The following CHST11 variants were observed in gnomAD, a reference collection of about 807,000 sequenced individuals.
CHST11 encodes the protein carbohydrate sulfotransferase 11, also known as C4S-1.
In CHST11, 9 loss-of-function variants were observed where a neutral mutation model predicts 30.4. That is an observed-to-expected ratio of 0.30 (90% CI 0.18 to 0.52). CHST11 has a LOEUF of 0.52. Ranked by LOEUF, CHST11 falls within the 20% of genes least tolerant of loss-of-function variation. CHST11 has a pLI of 0.97. For missense variants in CHST11, 348 were observed against 460.6 expected (o/e 0.76, Z 2.24); for synonymous variants, 152 against 187.8 (o/e 0.81, Z 1.56).
At chr12:104,672,148 C>T (rs997465154) in intron 2 of CHST11, among the ~76,000 whole-genome samples, 3 of 152,112 alleles carry the variant, frequency 2.0e-5, no homozygotes, top group African/African-American at 7.2e-5. Context: ...ATGAAAATGC[C>T]CAGGAATGTC....
chr12:104,745,093 C>T (rs1443164469), intron 2 of CHST11, among the ~76,000 whole-genome samples: 4 of 152,116 alleles, frequency 2.6e-5, no homozygotes, highest in African/African-American at 7.2e-5. Flanking sequence ...AGGCTGTTCT[C>T]GAACTCCTGA....
intron 1 of CHST11, among the ~76,000 whole-genome samples, chr12:104,507,316 C>T (rs1364690403): frequency 6.6e-6 from 1 of 152,218 alleles, no homozygotes; most frequent in Non-Finnish European, 1.5e-5. Context: ...AGTGGCCCCA[C>T]CTGGGAGCCA....
At chr12:104,504,031 T>C (rs2037878345) in intron 1 of CHST11, among the ~76,000 whole-genome samples, 1 of 152,200 alleles carries the variant, frequency 6.6e-6, no homozygotes, top group African/African-American at 2.4e-5. Context: ...ACCCAGTCAA[T>C]GTTAGCTTTT....
chr12:104,493,110 T>C (rs900690365), intron 1 of CHST11, among the ~76,000 whole-genome samples: 2 of 152,178 alleles, frequency 1.3e-5, no homozygotes, highest in African/African-American at 4.8e-5. Context: ...TAGCTGTGTT[T>C]CCTACTGTCA....
At chr12:104,540,530 A>G (rs977626927) in intron 1 of CHST11, among the ~76,000 whole-genome samples, 4 of 151,964 alleles carry the variant, frequency 2.6e-5, no homozygotes, top group Admixed American at 1.3e-4. Context: ...AAGAGACAGG[A>G]ACCTCGAGCT....
At chr12:104,736,858 G>A (rs1285424728) in intron 2 of CHST11, among the ~76,000 whole-genome samples, 1 of 152,198 alleles carries the variant, frequency 6.6e-6, no homozygotes, top group Non-Finnish European at 1.5e-5. Context: ...CTGAAAATCT[G>A]ATTTTTGAAA....
At chr12:104,541,122 TCTCTCTCTCACACACACACA>T (rs1030075611) in intron 1 of CHST11, among the ~76,000 whole-genome samples, 2 of 63,088 alleles carry the variant, frequency 3.2e-5, no homozygotes, top group African/African-American at 5.8e-5. Flanking sequence ...TCCCTCTCTC[TCTCTCTCTCACACACACACA>T]CACACACACA....
intron 1 of CHST11, among the ~76,000 whole-genome samples, chr12:104,572,639 A>G (rs1344856028): frequency 6.6e-6 from 1 of 151,594 alleles, no homozygotes; most frequent in Non-Finnish European, 1.5e-5. Context: ...CAGTCTATCA[A>G]TTTTGTTGAT....
At chr12:104,568,347 G>C (rs190911044) in intron 1 of CHST11, among the ~76,000 whole-genome samples, 56 of 152,302 alleles carry the variant, frequency 3.7e-4, no homozygotes, top group African/African-American at 1.2e-3. Context: ...CACTGTCCTT[G>C]CAACAGCTCC....
chr12:104,617,101 A>G (rs1267268033), intron 2 of CHST11, among the ~76,000 whole-genome samples: 3 of 152,126 alleles, frequency 2.0e-5, no homozygotes, highest in Non-Finnish European at 4.4e-5. Flanking sequence ...AAATACTCAT[A>G]ATTTCATATG....
At chr12:104,629,558 A>G (rs2039252397) in intron 2 of CHST11, among the ~76,000 whole-genome samples, 1 of 152,122 alleles carries the variant, frequency 6.6e-6, no homozygotes, top group Non-Finnish European at 1.5e-5. Context: ...ACAGTGGCTC[A>G]TGCCTATAAT....
At chr12:104,720,445 C>T (rs1018068057) in intron 2 of CHST11, among the ~76,000 whole-genome samples, 1 of 152,208 alleles carries the variant, frequency 6.6e-6, no homozygotes, top group African/African-American at 2.4e-5. Context: ...CCCTTCCAGA[C>T]CCCGCACGGT....
rs78391089 is a variant in CHST11, at chr12:104,510,532, G to A, written c.118+53003G>A. On this transcript the variant is annotated intron_variant, in intron 1 of 2. Coordinates refer to ENST00000303694, the MANE Select transcript of CHST11 (RefSeq NM_018413.6). ...GTTTAAAGCCTTTGAGATCTATGGT[G>A]GCTGAATGTGCTTCCAGGAGCAGAA... is the stretch of plus-strand genomic sequence containing the variant. Among the ~76,000 whole-genome samples, 1,056 of 152,288 alleles carry A rather than the reference G, an allele frequency of 6.9e-3. 11 individuals are homozygous for A. Among genetic ancestry groups the A allele is most frequent in the African/African-American group, 0.024 (992 of 41,556 alleles).
intron 1 of CHST11, among the ~76,000 whole-genome samples, chr12:104,502,184 T>C (rs1477056323): frequency 6.6e-6 from 1 of 152,116 alleles, no homozygotes; most frequent in African/African-American, 2.4e-5. Flanking sequence ...TGCACCACCA[T>C]GCCTGGCTAA....
chr12:104,514,447 TG>T, intron 1 of CHST11: 1 of 839,644 alleles, frequency 1.2e-6, no homozygotes. Flanking sequence ...TGAGACTCTG[TG>T]GGGGTCACCT....
At chr12:104,631,328 C>G (rs891225680) in intron 2 of CHST11, among the ~76,000 whole-genome samples, 5 of 152,206 alleles carry the variant, frequency 3.3e-5, no homozygotes, top group Non-Finnish European at 7.3e-5. Flanking sequence ...TAATTCAACT[C>G]AAGTCATTTT....
intron 2 of CHST11, among the ~76,000 whole-genome samples, chr12:104,659,127 T>G (rs7980326): frequency 0.54 from 82,103 of 152,114 alleles, 22,878 homozygotes; most frequent in African/African-American, 0.67. Context: ...TTCTAACATG[T>G]GATGTGTCTG....
intron 2 of CHST11, among the ~76,000 whole-genome samples, chr12:104,659,428 G>A (rs925326234): frequency 5.9e-5 from 9 of 152,086 alleles, no homozygotes; most frequent in Non-Finnish European, 1.0e-4. Context: ...TCACTGCCCC[G>A]ATCCTCCATC....
At chr12:104,748,445 T>C (rs2040405354) in intron 2 of CHST11, among the ~76,000 whole-genome samples, 2 of 151,648 alleles carry the variant, frequency 1.3e-5, no homozygotes, top group East Asian at 1.9e-4. Flanking sequence ...AAATGGGGGA[T>C]TGAGGGAAAA....
Sources: gnomAD v4.1 joint callset for allele counts (sites outside exome capture counted in the v4.1 genomes callset) on GRCh38, gnomAD v4.1.1 for gene constraint, MANE v1.5 for transcripts, NCBI Gene and HGNC (gene_info 2026-07-23, HGNC 2026-07-21) for gene names.